CNIH3: variants seen among roughly 807,000 people sequenced by gnomAD.
The protein encoded by CNIH3 is cornichon family AMPA receptor auxiliary protein 3, also known as protein cornichon homolog 3.
In CNIH3, 14 loss-of-function variants were observed where a neutral mutation model predicts 24.1. The ratio of observed to expected loss-of-function variants is 0.58; its 90% CI spans 0.38 to 0.91. The LOEUF (loss-of-function observed/expected upper bound fraction) is 0.91, where lower values mean the gene tolerates loss of function less well. CNIH3 is among the 40% of genes least tolerant of loss of function. The pLI, the probability that CNIH3 is intolerant of heterozygous loss-of-function variation, is 0.00. For synonymous variants in CNIH3, 68 were observed against 73.8 expected, an observed-to-expected ratio of 0.92 and a Z score of 0.40; for missense variants, 178 against 196.8, an observed-to-expected ratio of 0.90 and a Z score of 0.57.
chr1:224,634,039 A>T lies in CNIH3; in HGVS notation c.81+16784A>T, dbSNP rs986019600. Among the ~76,000 whole-genome samples the T allele has an allele frequency of 7.2e-5, 11 of 152,022 alleles. No homozygotes were observed. The East Asian group carries it at 1.4e-3, about 19-fold the overall frequency. Reference sequence around the variant, plus strand: ...GAGCAGCTGTGGTCTGGTGGGGAGGATGGATTTGCTGGACTTGTGGCCCTG... The same window carrying T: ...GAGCAGCTGTGGTCTGGTGGGGAGGTTGGATTTGCTGGACTTGTGGCCCTG... On this transcript the variant is annotated intron_variant, in intron 1 of 5. Transcript: ENST00000272133.
At chr1:224,558,603 TC>T (rs958876730) in intron 3 of CNIH3, among the ~76,000 whole-genome samples, 3 of 152,190 alleles carry the variant, frequency 2.0e-5, no homozygotes, top group Non-Finnish European at 2.9e-5. Flanking sequence ...AAAATTCTCT[TC>T]CCCACTGGAG....
intron 1 of CNIH3, among the ~76,000 whole-genome samples, chr1:224,496,931 A>T (rs1280144779): frequency 6.6e-6 from 1 of 152,254 alleles, no homozygotes; most frequent in Non-Finnish European, 1.5e-5. Context: ...AATAATGTTC[A>T]TAGCAGCGTT....
chr1:224,721,209 A>G (rs879494838), intron 3 of CNIH3, among the ~76,000 whole-genome samples: 3 of 152,128 alleles, frequency 2.0e-5, no homozygotes, highest in Admixed American at 2.0e-4. Flanking sequence ...AAGTGCTTCT[A>G]ATAAATATTT....
chr1:224,690,063 C>G (rs538283393), intron 3 of CNIH3, among the ~76,000 whole-genome samples: 1 of 151,950 alleles, frequency 6.6e-6, no homozygotes, highest in Non-Finnish European at 1.5e-5. Context: ...GCGAGTGGTT[C>G]GAGGAAATTA....
chr1:224,571,464 C>A (rs778684534), intron 4 of CNIH3, among the ~76,000 whole-genome samples: 43 of 152,264 alleles, frequency 2.8e-4, no homozygotes, highest in Non-Finnish European at 4.6e-4. Flanking sequence ...GTGGCTCATG[C>A]CTGTAATCCC....
intron 1 of CNIH3, among the ~76,000 whole-genome samples, chr1:224,621,236 G>T (rs897498928): frequency 1.3e-5 from 2 of 152,226 alleles, no homozygotes; most frequent in Non-Finnish European, 2.9e-5. Context: ...CCTGGACAGG[G>T]ATGACATACA....
chr1:224,444,293 ATTTCT>A (rs1675052483), intron 1 of CNIH3, among the ~76,000 whole-genome samples: 1 of 152,200 alleles, frequency 6.6e-6, no homozygotes. Flanking sequence ...CTGTCTCAGA[ATTTCT>A]TTTAACAGTT....
At chr1:224,483,743 A>G (rs564734115) in intron 1 of CNIH3, among the ~76,000 whole-genome samples, 147 of 151,824 alleles carry the variant, frequency 9.7e-4, no homozygotes, top group Non-Finnish European at 1.4e-3. Flanking sequence ...AATAGTTGTT[A>G]AATTTGGTGT....
chr1:224,459,901 C>T (rs533309411), intron 1 of CNIH3, among the ~76,000 whole-genome samples: 4 of 142,578 alleles, frequency 2.8e-5, no homozygotes, highest in Admixed American at 7.0e-5. Context: ...TTTTTTTGAC[C>T]GGGTCTTGCT....
Position 224,632,755 on chromosome 1 carries a change from G to A in CNIH3, c.81+15500G>A, listed in dbSNP as rs560884816. Among the ~76,000 whole-genome samples the A allele has an allele frequency of 6.6e-5, 10 of 152,174 alleles. No individual in the cohort carries two copies. The South Asian group carries it at 2.1e-3, about 32-fold the overall frequency. Reference sequence around the variant, plus strand: ...TGGAATAATTTTTCTTACAGGTTCCGGAGAGTGATAAGAGAATTGAGCCGA... The same window carrying A: ...TGGAATAATTTTTCTTACAGGTTCCAGAGAGTGATAAGAGAATTGAGCCGA... On this transcript the variant is annotated intron_variant, in intron 1 of 5. Coordinates refer to ENST00000272133, the MANE Select transcript of CNIH3 (RefSeq NM_152495.2).
chr1:224,626,781 C>T (rs1297114034), intron 1 of CNIH3, among the ~76,000 whole-genome samples: 2 of 152,182 alleles, frequency 1.3e-5, no homozygotes, highest in Non-Finnish European at 2.9e-5. Context: ...CAGCCCCAAC[C>T]CCACAGGTAG....
intron 3 of CNIH3, among the ~76,000 whole-genome samples, chr1:224,606,222 AG>A (rs1293020476): frequency 6.6e-6 from 1 of 152,194 alleles, no homozygotes; most frequent in Non-Finnish European, 1.5e-5. Flanking sequence ...AGTGTTTAAC[AG>A]CTCAGTGGAG....
At chr1:224,711,592 T>C (rs1319933688) in intron 3 of CNIH3, among the ~76,000 whole-genome samples, 1 of 151,654 alleles carries the variant, frequency 6.6e-6, no homozygotes, top group Non-Finnish European at 1.5e-5. Context: ...TCTAGGAGTT[T>C]GAGACCAGCC....
In CNIH3 at chr1:224,574,538, C is replaced by T. The variant is rs2125005077; in HGVS notation, n.516+8274C>T. 3 of 730,272 alleles carry T rather than the reference C, an allele frequency of 4.1e-6. 1 individual carries two copies. The Admixed American group carries it at 5.6e-5, about 14-fold the overall frequency. 45.2% of individuals were successfully genotyped at this position (730,272 alleles called of 1,614,324 possible). A position where few individuals can be genotyped will look rare whatever the true frequency, so the allele number is the denominator to read the frequency against. ...AGGTAACTGAGGCTGTGAAGGTGGC[C>T]ATTAATGTTGGGTACTGCCACATCG... On this transcript the variant is annotated intron_variant and non_coding_transcript_variant, in intron 4 of 5. Transcript: ENST00000471578.
Position 224,699,191 on chromosome 1 carries a change from T to C in CNIH3, c.198+14348T>C, listed in dbSNP as rs564261640. 9.8e-5 allele frequency among the ~76,000 whole-genome samples: 15 copies of C among 152,346 alleles called. No homozygotes were observed. The South Asian group carries it at 3.1e-3, about 32-fold the overall frequency. On this transcript the variant is annotated intron_variant, in intron 3 of 5. Transcript: ENST00000272133. ...TTCCCAGGATCCACCATTAGCCTCA[T>C]GCGGATGGGCCCTGTTCTCTTCTCT...
intron 1 of CNIH3, among the ~76,000 whole-genome samples, chr1:224,625,273 G>C (rs1683463997): frequency 6.6e-6 from 1 of 152,154 alleles, no homozygotes; most frequent in Non-Finnish European, 1.5e-5. Flanking sequence ...TTTTTGTCCG[G>C]GCGTGGTGGC....
intron 1 of CNIH3, among the ~76,000 whole-genome samples, chr1:224,438,895 G>A (rs1674777937): frequency 6.6e-6 from 1 of 152,208 alleles, no homozygotes; most frequent in Non-Finnish European, 1.5e-5. Flanking sequence ...AAAGTACTAT[G>A]TTGAAATATT....
chr1:224,703,913 C>T lies in CNIH3; in HGVS notation c.198+19070C>T, dbSNP rs1687637811. ...GCACACCTGAGTCGCTGCTGCTCTGCAGGCCTCCCACCTCAGCCTACGACG... is the reference window on the plus strand; with the variant it reads ...GCACACCTGAGTCGCTGCTGCTCTGTAGGCCTCCCACCTCAGCCTACGACG... On this transcript the variant is annotated intron_variant, in intron 3 of 5. Coordinates refer to ENST00000272133, the MANE Select transcript of CNIH3 (RefSeq NM_152495.2). The surrounding 1 kb of genome is among the most constrained non-coding windows in gnomAD (Gnocchi z 4.2). 1.3e-5 allele frequency among the ~76,000 whole-genome samples: 2 copies of T among 152,230 alleles called. No homozygotes were observed. Among genetic ancestry groups the T allele is most frequent in the Admixed American group, 6.5e-5 (1 of 15,286 alleles).
intron 1 of CNIH3, among the ~76,000 whole-genome samples, chr1:224,669,352 T>G (rs1469174611): frequency 6.6e-6 from 1 of 152,222 alleles, no homozygotes; most frequent in African/African-American, 2.4e-5. Flanking sequence ...GTACTCATCA[T>G]TCAGGTCTAG....
Sources: gnomAD v4.1 joint callset for allele counts (sites outside exome capture counted in the v4.1 genomes callset) on GRCh38, gnomAD v4.1.1 for gene constraint, Gnocchi (gnomAD v3.1) non-coding constraint, MANE v1.5 for transcripts, NCBI Gene and HGNC (gene_info 2026-07-23, HGNC 2026-07-21) for gene names.